The following SCUBE1 variants were observed in gnomAD, a reference collection of about 807,000 sequenced individuals.
The protein encoded by SCUBE1 is signal peptide, CUB and EGF-like domain-containing protein 1.
In SCUBE1, 59 loss-of-function variants were observed where a neutral mutation model predicts 124.4. The observed-to-expected ratio is 0.47, with a 90% CI of 0.38 to 0.59. The LOEUF (loss-of-function observed/expected upper bound fraction) is 0.59, where lower values mean the gene tolerates loss of function less well. SCUBE1 is among the 20% of genes least tolerant of loss of function. The probability of loss-of-function intolerance (pLI) is 0.00; values close to 1 mark genes in which losing one functional copy is unlikely to be tolerated. For missense variants in SCUBE1, 1,150 were observed against 1,371.2 expected (o/e 0.84, Z 2.55); for synonymous variants, 545 against 550.9 (o/e 0.99, Z 0.15).
At chr22:43,312,086 G>A (rs1442388177) in intron 3 of SCUBE1, among the ~76,000 whole-genome samples, 5 of 152,210 alleles carry the variant, frequency 3.3e-5, no homozygotes, top group Admixed American at 1.3e-4. Context: ...ACTTTCTGGT[G>A]CAAAATCAGA....
intron 15 of SCUBE1, among the ~76,000 whole-genome samples, chr22:43,214,772 C>A (rs945446445): frequency 6.6e-6 from 1 of 152,162 alleles, no homozygotes; most frequent in Non-Finnish European, 1.5e-5. Context: ...CTGAAGACAG[C>A]GCAGTCTGGT....
In SCUBE1 at chr22:43,211,524, T is replaced by A. The variant is rs913206026; in HGVS notation, c.2222-441A>T. On this transcript the variant is annotated intron_variant, in intron 17 of 21. Coordinates refer to ENST00000360835, the MANE Select transcript of SCUBE1 (RefSeq NM_173050.5). The surrounding 1 kb of genome is among the most constrained non-coding windows in gnomAD (Gnocchi z 4.5). Reference sequence around the variant, plus strand: ...GGGGGCTAGAGATGGGCAATTCTTTTTTTTTTTTTTTGAGATGGAGCTCGC... The same window carrying A: ...GGGGGCTAGAGATGGGCAATTCTTTATTTTTTTTTTTGAGATGGAGCTCGC... Among the ~76,000 whole-genome samples the A allele has an allele frequency of 3.3e-5, 5 of 150,552 alleles. No homozygotes were observed. Among genetic ancestry groups the A allele is most frequent in the African/African-American group, 9.8e-5 (4 of 40,984 alleles).
In SCUBE1 at chr22:43,276,561, C is replaced by A. The variant is rs571769161; in HGVS notation, c.485-13716G>T. ...TAATGAGGCTAGGGAGGGCTCACAC[C>A]ACTCCCTAATGACCCAGGATGACCT... is the stretch of plus-strand genomic sequence containing the variant. On this transcript the variant is annotated intron_variant, in intron 4 of 21. Coordinates refer to ENST00000360835, the MANE Select transcript of SCUBE1 (RefSeq NM_173050.5). Among the ~76,000 whole-genome samples the A allele has an allele frequency of 9.9e-5, 15 of 152,276 alleles. No individual in the cohort carries two copies. The South Asian group carries it at 2.5e-3, about 25-fold the overall frequency.
intron 1 of SCUBE1, among the ~76,000 whole-genome samples, chr22:43,342,336 GCTC>G (rs796830964): frequency 7.0e-4 from 106 of 152,066 alleles, no homozygotes; most frequent in African/African-American, 2.5e-3. Flanking sequence ...TCCTGGGTCT[GCTC>G]CACCGACGTC....
chr22:43,208,710 C>T (rs545395229), intron 19 of SCUBE1, among the ~76,000 whole-genome samples: 1 of 152,336 alleles, frequency 6.6e-6, no homozygotes, highest in Admixed American at 6.5e-5. Context: ...AGAGCAAATA[C>T]ACCAGCAAGG....
intron 8 of SCUBE1, among the ~76,000 whole-genome samples, chr22:43,229,921 A>G (rs953141010): frequency 6.6e-6 from 1 of 152,222 alleles, no homozygotes; most frequent in African/African-American, 2.4e-5. Context: ...CCCTGAAGGC[A>G]AAACAGACGC....
rs1471536501 is a variant in SCUBE1 at position 43,339,154 on chromosome 22, T to C, written c.170A>G (p.Tyr57Cys). 1 of 1,613,928 alleles carries C rather than the reference T, an allele frequency of 6.2e-7. No homozygotes were observed. The highest frequency in any genetic ancestry group is 1.1e-5 in the South Asian group (1 of 91,088). ...GTAGCCTGGCTTGCAGAGGCATTTG[T>C]AGGACTTGGGCGTGTTCTGACAGAT... ...DAICQNTPKS[Y>C]KCLCKPGYKG... Residue 57 changes from tyrosine (Y) to cysteine (C), a missense_variant, in exon 2 of 22, where the codon TAC becomes TGC. Physicochemically the swap from Tyr to Cys is radical, Grantham distance 194. This residue lies in a region of SCUBE1 where 337 missense variants were observed against 482.1 expected (regional missense o/e 0.70). Transcript: ENST00000360835.
At chr22:43,299,595 C>T (rs1925691787) in intron 3 of SCUBE1, among the ~76,000 whole-genome samples, 1 of 152,144 alleles carries the variant, frequency 6.6e-6, no homozygotes, top group Non-Finnish European at 1.5e-5. Flanking sequence ...ATGCTATGTT[C>T]GTGTGACCTC....
At chr22:43,263,861 T>G (rs952416087) in intron 4 of SCUBE1, among the ~76,000 whole-genome samples, 11 of 152,200 alleles carry the variant, frequency 7.2e-5, no homozygotes, top group African/African-American at 2.7e-4. Flanking sequence ...AGAGTCTAAC[T>G]AAGCAACGAG....
chr22:43,232,257 C>T (rs1922585122), intron 7 of SCUBE1: 2 of 197,580 alleles, frequency 1.0e-5, no homozygotes, highest in African/African-American at 4.5e-5. Flanking sequence ...AGCAGGGAGG[C>T]TGGAGCAGGC....
chr22:43,342,992 C>T (rs1927378767), intron 1 of SCUBE1, among the ~76,000 whole-genome samples, 182 bp downstream of exon 1: 1 of 151,242 alleles, frequency 6.6e-6, no homozygotes, highest in South Asian at 2.1e-4. Flanking sequence ...GGAGCCCCGG[C>T]CGCCCGGGCT....
Position 43,343,280 on chromosome 22 carries a change from T to TGGGCGTGCGGGCGTGC in SCUBE1, c.-35_-20dup, listed in dbSNP as rs554986079. On this transcript the variant is annotated 5_prime_UTR_variant, in exon 1 of 22. Coordinates refer to ENST00000360835, the MANE Select transcript of SCUBE1 (RefSeq NM_173050.5). ...CGCCCATGCTCAATGCGGGCCCCGC[T>TGGGCGTGCGGGCGTGC]GGGCGTGCGGGCGTGCGGGGCGCGG... 29 of 1,097,450 alleles carry TGGGCGTGCGGGCGTGC rather than the reference T, an allele frequency of 2.6e-5. No homozygotes were observed. The African/African-American group carries it at 3.7e-4, about 14-fold the overall frequency. The allele number at this position is 1,097,450 out of a possible 1,614,324, so 68.0% of individuals were successfully genotyped here. A position where few individuals can be genotyped will look rare whatever the true frequency, so the allele number is the denominator to read the frequency against.
Position 43,199,081 on chromosome 22 carries a change from T to TTGTC in SCUBE1, c.*4915_*4916insGACA, listed in dbSNP as rs549050831. 16,207 of 288,646 alleles carry TTGTC rather than the reference T, an allele frequency of 0.056. 810 individuals are homozygous for TTGTC. Among genetic ancestry groups the TTGTC allele is most frequent in the African/African-American group, 0.16 (6,100 of 37,730 alleles). 17.9% of individuals were successfully genotyped at this position (288,646 alleles called of 1,614,324 possible). ...TTGTCTGTCTGCTGTCCGGGGCAGT[T>TTGTC]TGTTTGTCTGTCTGCTGTCTGGGGC... On this transcript the variant is annotated 3_prime_UTR_variant, in exon 22 of 22. Transcript: ENST00000360835.
intron 3 of SCUBE1, among the ~76,000 whole-genome samples, chr22:43,315,999 C>T (rs548325904): frequency 4.3e-4 from 65 of 152,060 alleles, no homozygotes; most frequent in Non-Finnish European, 8.2e-4. Context: ...CAGGCACAGC[C>T]GTGGGAGCGC....
Position 43,211,771 on chromosome 22 carries a change from C to T in SCUBE1, c.2221+654G>A, listed in dbSNP as rs34112208. On this transcript the variant is annotated intron_variant, in intron 17 of 21. Transcript: ENST00000360835. This position sits in a 1 kb window ranked among gnomAD's most constrained non-coding sequence, Gnocchi z 4.5. ...ACTTCTGACCTCAGGTGATCCACCC[C>T]CTTTGGCCTCCCAAAGTGCTGGGAT... 6.6e-6 allele frequency among the ~76,000 whole-genome samples: 1 copy of T among 152,006 alleles called. No individual in the cohort carries two copies. The highest frequency in any genetic ancestry group is 1.5e-5 in the Non-Finnish European group (1 of 68,000).
chr22:43,281,549 TGTCACCTCCC>T (rs1924897212), intron 4 of SCUBE1, among the ~76,000 whole-genome samples: 3 of 123,814 alleles, frequency 2.4e-5, no homozygotes, highest in African/African-American at 9.6e-5. Flanking sequence ...GTCACCCTCC[TGTCACCTCCC>T]CCTCAGCCAC....
chr22:43,210,875 G>T lies in SCUBE1; in HGVS notation c.2383+47C>A. 1 of 1,588,432 alleles carries T rather than the reference G, an allele frequency of 6.3e-7. No individual in the cohort carries two copies. Among genetic ancestry groups the T allele is most frequent in the Non-Finnish European group, 8.6e-7 (1 of 1,161,014 alleles). On this transcript the variant is annotated intron_variant, in intron 18 of 21. Coordinates refer to ENST00000360835, the MANE Select transcript of SCUBE1 (RefSeq NM_173050.5). This position sits in a 1 kb window ranked among gnomAD's most constrained non-coding sequence, Gnocchi z 4.5. ...TCCTCCCGCCCCCACAACCTGCCCA[G>T]CCCCTCCCGTGTTCCCAGCTTCCCA...
At position 43,343,288 on chromosome 22, in the gene SCUBE1, C is replaced by G; in HGVS notation, c.-27G>C. On this transcript the variant is annotated 5_prime_UTR_variant, in exon 1 of 22. Coordinates refer to ENST00000360835, the MANE Select transcript of SCUBE1 (RefSeq NM_173050.5). ...CTCAATGCGGGCCCCGCTGGGCGTGCGGGCGTGCGGGGCGCGGGGACCCGA... is the reference window on the plus strand; with the variant it reads ...CTCAATGCGGGCCCCGCTGGGCGTGGGGGCGTGCGGGGCGCGGGGACCCGA... The G allele has an allele frequency of 9.3e-7, 1 of 1,072,414 alleles. No individual in the cohort carries two copies. The highest frequency in any genetic ancestry group is 1.1e-6 in the Non-Finnish European group (1 of 883,736). The allele number at this position is 1,072,414 out of a possible 1,614,324, so 66.4% of individuals were successfully genotyped here. A position where few individuals can be genotyped will look rare whatever the true frequency, so the allele number is the denominator to read the frequency against.
At chr22:43,302,610 G>A (rs969389176) in intron 3 of SCUBE1, among the ~76,000 whole-genome samples, 3 of 152,192 alleles carry the variant, frequency 2.0e-5, no homozygotes, top group African/African-American at 7.2e-5. Flanking sequence ...TGTGCAGCCT[G>A]CCCACAGTCC....
Sources: gnomAD v4.1 joint callset for allele counts (sites outside exome capture counted in the v4.1 genomes callset) on GRCh38, gnomAD v4.1.1 for gene constraint, gnomAD v4.1.1 regional missense constraint, Gnocchi (gnomAD v3.1) non-coding constraint, MANE v1.5 for transcripts, NCBI Gene and HGNC (gene_info 2026-07-23, HGNC 2026-07-21) for gene names.